TCF20: variants seen among roughly 807,000 people sequenced by gnomAD.
The protein encoded by TCF20 is SPRE-binding protein.
In TCF20, 3 loss-of-function variants were observed where a neutral mutation model predicts 148.6. The observed-to-expected ratio is 0.02, with a 90% CI of 0.01 to 0.05. The LOEUF (loss-of-function observed/expected upper bound fraction) is 0.05, where lower values mean the gene tolerates loss of function less well. TCF20 is among the 10% of genes least tolerant of loss of function. The pLI, the probability that TCF20 is intolerant of heterozygous loss-of-function variation, is 1.00. For missense variants in TCF20, 2,350 were observed against 2,429.3 expected, an observed-to-expected ratio of 0.97 and a Z score of 0.69; for synonymous variants, 1,049 against 909.5, an observed-to-expected ratio of 1.15 and a Z score of -2.76.
chr22:42,253,951 C>G (rs1925575054), intron 1 of TCF20, among the ~76,000 whole-genome samples: 1 of 152,160 alleles, frequency 6.6e-6, no homozygotes, highest in Middle Eastern at 3.4e-3. Context: ...TGGCGCATGC[C>G]TGTAATCTCA....
intron 5 of TCF20, among the ~76,000 whole-genome samples, chr22:42,162,003 G>GTTTTTTTT (rs1935496770): frequency 2.6e-5 from 1 of 38,050 alleles, no homozygotes; most frequent in African/African-American, 1.4e-4. Context: ...TTTTTTTTGA[G>GTTTTTTTT]ACAGTCTTGC....
chr22:42,249,478 C>T (rs1302841420), intron 1 of TCF20, among the ~76,000 whole-genome samples: 1 of 152,206 alleles, frequency 6.6e-6, no homozygotes, highest in Non-Finnish European at 1.5e-5. Flanking sequence ...TTGAAGAGAT[C>T]TGTGAAACTC....
At chr22:42,167,624 C>T (rs1303798713) in intron 5 of TCF20, among the ~76,000 whole-genome samples, 1 of 152,124 alleles carries the variant, frequency 6.6e-6, no homozygotes, top group African/African-American at 2.4e-5. Context: ...TTCTAGAGAC[C>T]CCAAGTCCTA....
chr22:42,306,747 T>C (rs1258975962), intron 1 of TCF20, among the ~76,000 whole-genome samples: 2 of 152,128 alleles, frequency 1.3e-5, no homozygotes, highest in Admixed American at 1.3e-4. Context: ...TGTTGAAGTC[T>C]GAGAGGAGCG....
intron 3 of TCF20, 35 bp downstream of exon 3, chr22:42,179,574 G>A: frequency 6.9e-7 from 1 of 1,445,534 alleles, no homozygotes; most frequent in Non-Finnish European, 9.7e-7. Flanking sequence ...TAATCCTTTG[G>A]ATGCTCTGGA....
intron 1 of TCF20, among the ~76,000 whole-genome samples, chr22:42,265,504 T>C (rs765453345): frequency 1.3e-5 from 2 of 152,208 alleles, no homozygotes; most frequent in Non-Finnish European, 2.9e-5. Context: ...GGTCTCACTA[T>C]GTTGCCCAGG....
chr22:42,162,910 C>G (rs1935554029), intron 5 of TCF20, among the ~76,000 whole-genome samples: 1 of 152,198 alleles, frequency 6.6e-6, no homozygotes, highest in Admixed American at 6.5e-5. Context: ...CAGGAACACA[C>G]ACAGAGGCCA....
chr22:42,207,959 T>C (rs1049307092), intron 2 of TCF20, among the ~76,000 whole-genome samples: 1 of 152,124 alleles, frequency 6.6e-6, no homozygotes, highest in South Asian at 2.1e-4. Flanking sequence ...AAGGCTGACG[T>C]GGGAGGATTG....
intron 1 of TCF20, among the ~76,000 whole-genome samples, chr22:42,258,986 T>C (rs1925891634): frequency 6.6e-6 from 1 of 152,218 alleles, no homozygotes; most frequent in African/African-American, 2.4e-5. Flanking sequence ...TCACTTCACC[T>C]TTCTCATCAA....
chr22:42,240,092 C>A lies in TCF20; in HGVS notation c.-36-24751G>T, dbSNP rs148113148. 1.9e-3 allele frequency among the ~76,000 whole-genome samples: 287 copies of A among 152,252 alleles called. 1 individual carries two copies. The highest frequency in any genetic ancestry group is 6.5e-3 in the African/African-American group (269 of 41,540). On this transcript the variant is annotated intron_variant, in intron 1 of 5. Coordinates refer to ENST00000677622, the MANE Select transcript of TCF20 (RefSeq NM_001378418.1). ...TCATTACTGTAAGTCTGGCAATGTT[C>A]TAAAAGCTTTAGTTATGAACTAATT... is the stretch of plus-strand genomic sequence containing the variant.
chr22:42,332,384 C>T (rs1388703883), intron 1 of TCF20, among the ~76,000 whole-genome samples: 1 of 152,110 alleles, frequency 6.6e-6, no homozygotes, highest in African/African-American at 2.4e-5. Flanking sequence ...GCAGGAACAG[C>T]CAGGGGGAGG....
intron 2 of TCF20, among the ~76,000 whole-genome samples, chr22:42,192,963 A>AG (rs1491033444): frequency 6.6e-6 from 1 of 152,212 alleles, no homozygotes. Context: ...GAGTTAAAAA[A>AG]CACAGACTGA....
intron 4 of TCF20, among the ~76,000 whole-genome samples, chr22:42,169,005 A>G (rs1935961023): frequency 6.6e-6 from 1 of 151,842 alleles, no homozygotes; most frequent in African/African-American, 2.4e-5. Flanking sequence ...CCCAGAAATA[A>G]TTTTTAAAGA....
upstream of TCF20, among the ~76,000 whole-genome samples, chr22:42,286,839 T>C (rs1202465842): frequency 6.6e-6 from 1 of 152,184 alleles, no homozygotes; most frequent in Non-Finnish European, 1.5e-5. Flanking sequence ...AGGCACTTCG[T>C]AGATAAGGAA....
At chr22:42,310,449 G>T (rs77023563) in intron 1 of TCF20, among the ~76,000 whole-genome samples, 2,167 of 141,666 alleles carry the variant, frequency 0.015, 55 homozygotes, top group African/African-American at 0.051. Flanking sequence ...GTGCGGGGGG[G>T]AGTAAGTGGT....
rs892447004 is a variant in TCF20 at position 42,302,878 on chromosome 22, G to A, written c.-37+40601C>T. 3.3e-5 allele frequency among the ~76,000 whole-genome samples: 5 copies of A among 152,312 alleles called. No individual in the cohort carries two copies. The South Asian group carries it at 6.2e-4, about 19-fold the overall frequency. ...ACCAGAGCCTCCAGCCCTGGCACAC[G>A]GCACGGGTTTAATAGATGCTGGGGT... On this transcript the variant is annotated intron_variant, in intron 1 of 1. Transcript: ENST00000515426.
At chr22:42,238,397 C>T (rs1434028850) in intron 1 of TCF20, among the ~76,000 whole-genome samples, 2 of 152,190 alleles carry the variant, frequency 1.3e-5, no homozygotes, top group Non-Finnish European at 2.9e-5. Context: ...AAAACTTTTC[C>T]ATATCAGCAA....
chr22:42,253,989 T>C (rs1215808347), intron 1 of TCF20, among the ~76,000 whole-genome samples: 2 of 147,838 alleles, frequency 1.4e-5, no homozygotes, highest in East Asian at 4.0e-4. Context: ...GGCAGGAAAA[T>C]CGCTTGAACC....
intron 1 of TCF20, among the ~76,000 whole-genome samples, chr22:42,227,030 C>T (rs1922972168): frequency 6.6e-6 from 1 of 152,162 alleles, no homozygotes; most frequent in Non-Finnish European, 1.5e-5. Context: ...CGCCTGTAAT[C>T]CCAGCACTTT....
Sources: gnomAD v4.1 joint callset for allele counts (sites outside exome capture counted in the v4.1 genomes callset) on GRCh38, gnomAD v4.1.1 for gene constraint, MANE v1.5 for transcripts, NCBI Gene and HGNC (gene_info 2026-07-23, HGNC 2026-07-21) for gene names.